The following CNKSR1 variants were observed in gnomAD, a reference collection of about 807,000 sequenced individuals.
The protein encoded by CNKSR1 is CNK homolog protein 1.
Under a neutral mutation model 95.6 loss-of-function variants are expected in CNKSR1, and 88 were observed. That is an observed-to-expected ratio of 0.92 (90% confidence interval 0.78 to 1.10). CNKSR1 has a LOEUF of 1.10. CNKSR1 is among the 50% of genes least tolerant of loss of function. The pLI, the probability that CNKSR1 is intolerant of heterozygous loss-of-function variation, is 0.00. For missense variants in CNKSR1, 836 were observed against 912.0 expected (o/e 0.92, Z 1.07); for synonymous variants, 355 against 369.7 (o/e 0.96, Z 0.46).
At chr1:26,181,656 A>G (rs1569874767) in intron 3 of CNKSR1, 2 of 610,274 alleles carry the variant, frequency 3.3e-6, no homozygotes, top group South Asian at 3.6e-5. Context: ...TGCCTAGAAC[A>G]GGGCTTGGCA....
At chr1:26,184,539 G>C (rs776366879) in intron 12 of CNKSR1, 32 bp downstream of exon 12, 13 of 1,607,192 alleles carry the variant, frequency 8.1e-6, no homozygotes, top group Non-Finnish European at 1.1e-5. Flanking sequence ...GGGGGTGGGT[G>C]GGTCTGGACC....
chr1:26,180,085 G>A lies in CNKSR1; in HGVS notation c.53-368G>A, dbSNP rs115874682. 2.5e-3 allele frequency: 844 copies of A among 335,870 alleles called. 10 individuals carry two copies. Among genetic ancestry groups the A allele is most frequent in the African/African-American group, 0.016 (757 of 46,524 alleles). 20.8% of individuals were successfully genotyped at this position (335,870 alleles called of 1,614,324 possible). A position where few individuals can be genotyped will look rare whatever the true frequency, so the allele number is the denominator to read the frequency against. On this transcript the variant is annotated intron_variant, in intron 1 of 20. Coordinates refer to ENST00000361530, the MANE Select transcript of CNKSR1 (RefSeq NM_006314.3). ...TAGGAGGTCAAGGCTGCAGTGAGCC[G>A]TGACTGTGTCTCAAGCCCCTGTCTC... is the stretch of plus-strand genomic sequence containing the variant.
rs1557619521 is a variant in CNKSR1 at position 26,180,690 on chromosome 1, GTGACT to G, written c.211-22_211-18del. On this transcript the variant is annotated intron_variant, in intron 2 of 20. Coordinates refer to ENST00000361530, the MANE Select transcript of CNKSR1 (RefSeq NM_006314.3). ...TGGGGGGCTGGCTGCTGCCAGGGAG[GTGACT>G]TGCCCTCTTTCTGGCACAGAGCTCC... The G allele has an allele frequency of 6.2e-7, 1 of 1,614,040 alleles. No homozygotes were observed. The highest frequency in any genetic ancestry group is 8.5e-7 in the Non-Finnish European group (1 of 1,179,952).
intron 16 of CNKSR1, among the ~76,000 whole-genome samples, chr1:26,187,784 G>A (rs987557628): frequency 5.3e-5 from 8 of 151,508 alleles, no homozygotes; most frequent in African/African-American, 1.2e-4. Flanking sequence ...CACCATACCC[G>A]GCTAATTTTT....
Position 26,184,302 on chromosome 1 carries a change from C to T in CNKSR1, c.1000+15C>T. ...TGCCTGGACAGGTAGTCTCAAAGCT[C>T]CATGGATGCCCCGGACACGGCATCT... On this transcript the variant is annotated intron_variant, in intron 11 of 20. Transcript: ENST00000361530. The T allele has an allele frequency of 6.2e-7, 1 of 1,612,896 alleles. No homozygotes were observed. The highest frequency in any genetic ancestry group is 8.5e-7 in the Non-Finnish European group (1 of 1,179,084).
Position 26,177,564 on chromosome 1 carries a change from C to A in CNKSR1, c.17C>A (p.Thr6Asn). 1 of 1,614,086 alleles carries A rather than the reference C, an allele frequency of 6.2e-7. No homozygotes were observed. Among genetic ancestry groups the A allele is most frequent in the Non-Finnish European group, 8.5e-7 (1 of 1,180,014 alleles). ...AGCTGGGCCATGGAACCGGTAGAGA[C>A]CTGGACCCCCGGAAAGGTGGCAACT... MEPVE[T>N]WTPGKVATWL... Residue 6 changes from threonine (T) to asparagine (N), a missense_variant, in exon 1 of 21, where the codon ACC (threonine) becomes AAC (asparagine). By Grantham distance (65) the Thr-to-Asn change is moderately conservative (BLOSUM62 0). Transcript: ENST00000361530.
At chr1:26,186,260 A>G (rs752465702) in intron 14 of CNKSR1, among the ~76,000 whole-genome samples, 3 of 152,200 alleles carry the variant, frequency 2.0e-5, no homozygotes, top group African/African-American at 4.8e-5. Flanking sequence ...GTTTGTGTCT[A>G]CTGAAGGAAC....
In CNKSR1 at chr1:26,185,069, G is replaced by A. The variant is rs754088059; in HGVS notation, c.1191G>A (p.Pro397=). 28 of 1,605,578 alleles carry A rather than the reference G, an allele frequency of 1.7e-5. No homozygotes were observed. The highest frequency in any genetic ancestry group is 2.1e-5 in the Non-Finnish European group (25 of 1,178,358). ...RRVSCRELGR[P]DCDGWLLLRK... Reference sequence around the variant, plus strand: ...TGTCATGCCGTGAGCTGGGCCGGCCGGACTGTGACGGCTGGCTCCTGTTGC... The same window carrying A: ...TGTCATGCCGTGAGCTGGGCCGGCCAGACTGTGACGGCTGGCTCCTGTTGC... The change falls in exon 14 of 21, where the codon CCG becomes CCA. Residue 397 remains proline, a synonymous_variant. Coordinates refer to ENST00000361530, the MANE Select transcript of CNKSR1 (RefSeq NM_006314.3).
intron 2 of CNKSR1, 44 bp downstream of exon 2, chr1:26,180,654 G>T: frequency 6.2e-7 from 1 of 1,613,996 alleles, no homozygotes; most frequent in Non-Finnish European, 8.5e-7. Flanking sequence ...CCACCAACCT[G>T]GGGGGTGTGA....
Position 26,185,137 on chromosome 1 carries a change from G to T in CNKSR1, c.1259G>T (p.Arg420Leu), listed in dbSNP as rs375934480. 6 of 1,574,650 alleles carry T rather than the reference G, an allele frequency of 3.8e-6. No homozygotes were observed. The East Asian group carries it at 1.2e-4, about 31-fold the overall frequency. The change falls in exon 14 of 21, where the codon CGC becomes CTC. Residue 420 changes from arginine (R) to leucine (L), a missense_variant. By Grantham distance (102) the Arg-to-Leu change is moderately radical (BLOSUM62 -2). Coordinates refer to ENST00000361530, the MANE Select transcript of CNKSR1 (RefSeq NM_006314.3). ...TTCATGGGCCCGCGCTGGCGCCGCC[G>T]CTGGTTTGTGCTCAAGGGACACACG... is the stretch of plus-strand genomic sequence containing the variant. ...GGFMGPRWRR[R>L]WFVLKGHTLY...
chr1:26,188,642 A>G lies in CNKSR1; in HGVS notation c.1635A>G (p.Ser545=). ...GGAGTCCCCTCCATGGAGACACATC[A>G]CCTGCAGCCACCCCCACACAGCGCA... is the stretch of plus-strand genomic sequence containing the variant. ...QAGSPLHGDT[S]PAATPTQRSP... Residue 545 remains serine (S), a synonymous_variant, in exon 19 of 21, where the codon TCA becomes TCG. Coordinates refer to ENST00000361530, the MANE Select transcript of CNKSR1 (RefSeq NM_006314.3). 4 of 1,613,654 alleles carry G rather than the reference A, an allele frequency of 2.5e-6. No homozygotes were observed. Among genetic ancestry groups the G allele is most frequent in the African/African-American group, 1.3e-5 (1 of 74,954 alleles).
At chr1:26,186,700 T>C (rs1037919364) in intron 14 of CNKSR1, among the ~76,000 whole-genome samples, 4 of 151,904 alleles carry the variant, frequency 2.6e-5, no homozygotes, top group Admixed American at 6.6e-5. Flanking sequence ...GGTCTCGAAC[T>C]CCTGACCTCA....
At chr1:26,184,801 T>TCA (rs2088718438) in intron 13 of CNKSR1, among the ~76,000 whole-genome samples, 189 bp downstream of exon 13, 1 of 151,788 alleles carries the variant, frequency 6.6e-6, no homozygotes, top group South Asian at 2.1e-4. Context: ...ACCTGTTTGC[T>TCA]GTGACTGAGC....
chr1:26,183,135 G>T lies in CNKSR1; in HGVS notation c.625-62G>T. 1.3e-6 allele frequency: 2 copies of T among 1,512,102 alleles called. 1 individual carries two copies. Among genetic ancestry groups the T allele is most frequent in the South Asian group, 2.2e-5 (2 of 88,932 alleles). The allele number at this position is 1,512,102 out of a possible 1,614,324, so 93.7% of individuals were successfully genotyped here. On this transcript the variant is annotated intron_variant, in intron 6 of 20. Coordinates refer to ENST00000361530, the MANE Select transcript of CNKSR1 (RefSeq NM_006314.3). Reference sequence around the variant, plus strand: ...CCATAGAGTCCTGGTGTCTGGCGGGGGTCCTGCCTATTGGCCCTGTTGCCC... The same window carrying T: ...CCATAGAGTCCTGGTGTCTGGCGGGTGTCCTGCCTATTGGCCCTGTTGCCC...
chr1:26,187,780 A>G (rs1356767188), intron 16 of CNKSR1, among the ~76,000 whole-genome samples: 3 of 151,492 alleles, frequency 2.0e-5, no homozygotes, highest in African/African-American at 7.3e-5. Context: ...CTACCACCAT[A>G]CCCGGCTAAT....
At chr1:26,185,686 C>A (rs1463965196) in intron 14 of CNKSR1, among the ~76,000 whole-genome samples, 2 of 151,996 alleles carry the variant, frequency 1.3e-5, no homozygotes, top group Non-Finnish European at 2.9e-5. Flanking sequence ...GCCACCACAC[C>A]CGGCCCTGAA....
chr1:26,184,376 CCT>C, intron 11 of CNKSR1, 23 bp from the exon 12 acceptor site: 1 of 1,607,934 alleles, frequency 6.2e-7, no homozygotes. Flanking sequence ...ATAGACTTTC[CCT>C]CTCTCTCCTC....
In CNKSR1 at chr1:26,189,767, G is replaced by C. The variant is rs544437004; in HGVS notation, c.*219G>C. 1.4e-6 allele frequency: 1 copy of C among 698,298 alleles called. No individual in the cohort carries two copies. The highest frequency in any genetic ancestry group is 2.6e-6 in the Non-Finnish European group (1 of 383,924). The allele number at this position is 698,298 out of a possible 1,614,324, so 43.3% of individuals were successfully genotyped here. On this transcript the variant is annotated 3_prime_UTR_variant, in exon 21 of 21. Transcript: ENST00000361530. ...CCCCCCAAATCCTCCAACCTCTGGG[G>C]CCACAGCCCTGCCCCTCCAGTTCCT...
intron 14 of CNKSR1, 109 bp downstream of exon 14, chr1:26,185,295 C>T: frequency 1.7e-6 from 2 of 1,199,734 alleles, no homozygotes; most frequent in Non-Finnish European, 2.4e-6. Flanking sequence ...CTTTGATGTC[C>T]CCATCTGTAA....
Sources: gnomAD v4.1 joint callset for allele counts (sites outside exome capture counted in the v4.1 genomes callset) on GRCh38, gnomAD v4.1.1 for gene constraint, MANE v1.5 for transcripts, NCBI Gene and HGNC (gene_info 2026-07-23, HGNC 2026-07-21) for gene names.